DOCK4: variants seen among roughly 807,000 people sequenced by gnomAD.
The protein encoded by DOCK4 is dedicator of cytokinesis protein 4.
A neutral mutation model predicts 268.1 loss-of-function variants in DOCK4; 97 were observed. That is an observed-to-expected ratio of 0.36 (90% confidence interval 0.31 to 0.43). The LOEUF is 0.43. Among genes scored for constraint, DOCK4 ranks in the 20% least tolerant of loss-of-function variants. The pLI is 1.00. For missense variants in DOCK4, 2,145 were observed against 2,455.7 expected, an observed-to-expected ratio of 0.87 and a Z score of 2.67; for synonymous variants, 954 against 887.2, an observed-to-expected ratio of 1.08 and a Z score of -1.34.
chr7:112,086,606 AGCAAAT>A (rs1809116152), intron 1 of DOCK4, among the ~76,000 whole-genome samples: 1 of 152,176 alleles, frequency 6.6e-6, no homozygotes, highest in African/African-American at 2.4e-5. Flanking sequence ...CCAAAAATCT[AGCAAAT>A]GTTGGTTTCC....
chr7:112,172,667 G>T (rs559442425), intron 1 of DOCK4, among the ~76,000 whole-genome samples: 7 of 152,194 alleles, frequency 4.6e-5, no homozygotes, highest in Admixed American at 3.9e-4. Flanking sequence ...TTCATGAACA[G>T]TATGTCATTA....
chr7:112,018,155 A>AC (rs1801992294), intron 1 of DOCK4, among the ~76,000 whole-genome samples: 2 of 134,164 alleles, frequency 1.5e-5, no homozygotes, highest in Admixed American at 7.7e-5. Context: ...AAAAAAAAAA[A>AC]AAAAAAAAAA....
At chr7:112,157,155 C>T (rs1816687115) in intron 1 of DOCK4, among the ~76,000 whole-genome samples, 2 of 151,692 alleles carry the variant, frequency 1.3e-5, no homozygotes, top group Non-Finnish European at 2.9e-5. Context: ...ATGGTTGAGC[C>T]CTAGTCATCT....
chr7:111,741,900 G>C (rs1048387530), intron 45 of DOCK4, 113 bp downstream of exon 45: 3 of 1,390,882 alleles, frequency 2.2e-6, no homozygotes, highest in Non-Finnish European at 2.9e-6. Flanking sequence ...TGGTAAAACA[G>C]TGCAGTTTGG....
intron 29 of DOCK4, 103 bp downstream of exon 29, chr7:111,809,198 C>T: frequency 1.0e-6 from 1 of 962,860 alleles, no homozygotes; most frequent in African/African-American, 1.6e-5. Context: ...ACTGGTTCTT[C>T]ACTGTGTGAT....
At chr7:111,875,440 G>T (rs1310679614) in intron 17 of DOCK4, among the ~76,000 whole-genome samples, 1 of 152,162 alleles carries the variant, frequency 6.6e-6, no homozygotes, top group African/African-American at 2.4e-5. Context: ...CTATTGTTAG[G>T]TTTACCTGTG....
chr7:112,110,499 C>T (rs949012233), intron 1 of DOCK4, among the ~76,000 whole-genome samples: 3 of 152,196 alleles, frequency 2.0e-5, no homozygotes, highest in African/African-American at 7.2e-5. Flanking sequence ...CATCAGTGCC[C>T]TGACATTGGG....
chr7:112,177,770 G>GT (rs1000035600), intron 1 of DOCK4, among the ~76,000 whole-genome samples: 1 of 151,338 alleles, frequency 6.6e-6, no homozygotes, highest in African/African-American at 2.4e-5. Flanking sequence ...CTTTTATAAG[G>GT]TAAAAAAAAA....
Position 112,160,474 on chromosome 7 carries a change from G to C in DOCK4, c.37+45628C>G, listed in dbSNP as rs144524434. 7.0e-3 allele frequency among the ~76,000 whole-genome samples: 1,061 copies of C among 152,274 alleles called. 14 individuals are homozygous for C. Among genetic ancestry groups the C allele is most frequent in the African/African-American group, 0.024 (1,017 of 41,556 alleles). On this transcript the variant is annotated intron_variant, in intron 1 of 52. Transcript: ENST00000428084. The stretch of plus-strand genomic sequence containing the variant: ...ATTCTTGGGGCAAATTTTCCCTGAA[G>C]AGAATGATTTGATGCAAGCTCTGAG...
chr7:112,000,315 A>C (rs1248801586), intron 3 of DOCK4, among the ~76,000 whole-genome samples, 179 bp downstream of exon 3: 3 of 152,156 alleles, frequency 2.0e-5, no homozygotes, highest in African/African-American at 7.2e-5. Context: ...TTATCATTTG[A>C]GTAGCATATC....
chr7:111,933,587 A>G (rs1014633088), intron 12 of DOCK4, among the ~76,000 whole-genome samples: 3 of 151,900 alleles, frequency 2.0e-5, no homozygotes, highest in East Asian at 1.9e-4. Context: ...GAGCCACCGC[A>G]CCCAGCCGAG....
intron 11 of DOCK4, among the ~76,000 whole-genome samples, chr7:111,938,553 T>G (rs1279006564): frequency 6.6e-6 from 1 of 152,172 alleles, no homozygotes; most frequent in Non-Finnish European, 1.5e-5. Context: ...CGTCCAAGCC[T>G]GTGGGGAGGT....
In DOCK4 at chr7:111,999,430, A is replaced by T. The variant is rs1344973951; in HGVS notation, c.163-927T>A. On this transcript the variant is annotated intron_variant, in intron 3 of 52. Coordinates refer to ENST00000428084, the MANE Select transcript of DOCK4 (RefSeq NM_001363540.2). ...AATAGAGTAATTCTAACTAATCAGG[A>T]AAAGTCAGACTTGAGGTTTATTAGA... Among the ~76,000 whole-genome samples the T allele has an allele frequency of 5.3e-5, 8 of 152,022 alleles. No homozygotes were observed. In the East Asian group the frequency reaches 1.5e-3, roughly 29 times the overall value.
chr7:111,899,934 A>C (rs1221099361), intron 15 of DOCK4, among the ~76,000 whole-genome samples: 1 of 152,224 alleles, frequency 6.6e-6, no homozygotes, highest in African/African-American at 2.4e-5. Flanking sequence ...GAAACAAAAC[A>C]AAAAAATCTG....
chr7:111,813,845 A>C (rs1021305090), intron 27 of DOCK4, among the ~76,000 whole-genome samples: 3 of 152,240 alleles, frequency 2.0e-5, no homozygotes, highest in African/African-American at 7.2e-5. Context: ...AAGCTGAATC[A>C]TCAGAAAATG....
At chr7:111,911,779 C>T (rs1447900520) in intron 13 of DOCK4, among the ~76,000 whole-genome samples, 1 of 152,108 alleles carries the variant, frequency 6.6e-6, no homozygotes, top group East Asian at 1.9e-4. Context: ...GGAATTCTTC[C>T]AGCAGCTGGC....
At chr7:112,021,261 C>A (rs1802294270) in intron 1 of DOCK4, among the ~76,000 whole-genome samples, 1 of 152,184 alleles carries the variant, frequency 6.6e-6, no homozygotes, top group South Asian at 2.1e-4. Flanking sequence ...CAGAAACTTA[C>A]TTGTTGGTTC....
At chr7:111,779,732 A>G (rs761949330) in intron 35 of DOCK4, among the ~76,000 whole-genome samples, 1 of 152,188 alleles carries the variant, frequency 6.6e-6, no homozygotes, top group African/African-American at 2.4e-5. Context: ...ACTGATAAGC[A>G]TCCAAAGCTA....
chr7:112,125,089 C>A (rs1813090057), intron 1 of DOCK4, among the ~76,000 whole-genome samples: 1 of 152,180 alleles, frequency 6.6e-6, no homozygotes, highest in Admixed American at 6.5e-5. Flanking sequence ...AATCCCACAG[C>A]TTCACCAAAT....
Sources: allele counts gnomAD v4.1 joint callset (sites outside exome capture counted in the v4.1 genomes callset), GRCh38; gene constraint gnomAD v4.1.1; transcripts MANE v1.5; gene names NCBI Gene and HGNC (gene_info 2026-07-23, HGNC 2026-07-21).